The following DOP1A variants were observed in gnomAD, a reference collection of about 807,000 sequenced individuals.
DOP1A encodes the protein DOP1 leucine zipper like protein A.
Under a neutral mutation model 267.6 loss-of-function variants are expected in DOP1A, and 90 were observed. The observed-to-expected ratio is 0.34, with a 90% CI of 0.28 to 0.40. DOP1A has a LOEUF of 0.40. Ranked by LOEUF, DOP1A falls within the 10% of genes least tolerant of loss-of-function variation. The pLI, the probability that DOP1A is intolerant of heterozygous loss-of-function variation, is 1.00. For missense variants in DOP1A, 2,437 were observed against 2,900.4 expected, an observed-to-expected ratio of 0.84 and a Z score of 3.67; for synonymous variants, 932 against 999.1, an observed-to-expected ratio of 0.93 and a Z score of 1.27.
chr6:83,167,202 A>T, intron 38 of DOP1A: 1 of 903,502 alleles, frequency 1.1e-6, no homozygotes, highest in Non-Finnish European at 1.3e-6. Context: ...TATCCTGCCC[A>T]AGGGTGCCGT....
At chr6:83,135,458 G>T (rs1778736937) in intron 19 of DOP1A, among the ~76,000 whole-genome samples, 161 bp from the exon 20 acceptor site, 1 of 150,560 alleles carries the variant, frequency 6.6e-6, no homozygotes, top group Non-Finnish European at 1.5e-5. Flanking sequence ...CGAGACTATT[G>T]GGATTAAGAT....
chr6:83,134,065 G>A, intron 18 of DOP1A, 122 bp from the exon 19 acceptor site: 1 of 602,896 alleles, frequency 1.7e-6, no homozygotes, highest in Non-Finnish European at 2.7e-6. Flanking sequence ...ATTGCAATGT[G>A]TGTTTGAATA....
At chr6:83,169,739 C>T (rs1012179782), downstream of DOP1A, 4 of 458,260 alleles carry the variant, frequency 8.7e-6, no homozygotes, top group Admixed American at 2.3e-5. Flanking sequence ...CCTCCTGATT[C>T]CCTATTCAGC....
chr6:83,154,468 T>G (rs890517604), intron 33 of DOP1A, among the ~76,000 whole-genome samples: 1 of 152,226 alleles, frequency 6.6e-6, no homozygotes, highest in African/African-American at 2.4e-5. Context: ...GTAAAACTAT[T>G]TGTCCTTTTG....
rs567510955 is a variant in DOP1A, at chr6:83,157,743, A to AC, written c.6741+429dup. On this transcript the variant is annotated intron_variant, in intron 35 of 38. Coordinates refer to ENST00000349129, the MANE Select transcript of DOP1A (RefSeq NM_015018.4). ...TACTCACTCTTGAAGTGCAGCACCT[A>AC]CCCCATTTAAACTTGCTTCAGAGAG... Among the ~76,000 whole-genome samples the AC allele has an allele frequency of 3.3e-3, 495 of 152,228 alleles. 3 individuals carry two copies. Among genetic ancestry groups the AC allele is most frequent in the African/African-American group, 0.011 (458 of 41,532 alleles).
At chr6:83,133,557 A>G (rs1250211015) in intron 18 of DOP1A, among the ~76,000 whole-genome samples, 1 of 152,090 alleles carries the variant, frequency 6.6e-6, no homozygotes, top group African/African-American at 2.4e-5. Flanking sequence ...GACAATTTCT[A>G]CTTGATTTAT....
chr6:83,111,340 G>A (rs1774526327), intron 6 of DOP1A, among the ~76,000 whole-genome samples: 1 of 151,668 alleles, frequency 6.6e-6, no homozygotes, highest in Non-Finnish European at 1.5e-5. Flanking sequence ...GAACACTCAT[G>A]TATGAGTTTT....
intron 1 of DOP1A, 53 bp downstream of exon 1, chr6:83,067,832 G>A (rs934653664): frequency 5.3e-5 from 8 of 152,316 alleles, no homozygotes; most frequent in Non-Finnish European, 1.5e-5. Flanking sequence ...CCGGCTCCGA[G>A]CATCCTTCTC....
intron 38 of DOP1A, chr6:83,164,727 T>A: frequency 1.3e-6 from 2 of 1,585,410 alleles, no homozygotes; most frequent in Non-Finnish European, 1.7e-6. Flanking sequence ...CAGGTGAGGG[T>A]GGCTGTTTCA....
At chr6:83,101,203 A>G (rs1772515284) in intron 4 of DOP1A, among the ~76,000 whole-genome samples, 1 of 152,110 alleles carries the variant, frequency 6.6e-6, no homozygotes, top group Non-Finnish European at 1.5e-5. Flanking sequence ...TTTTTAGTAG[A>G]GACGGGGTTT....
intron 1 of DOP1A, among the ~76,000 whole-genome samples, chr6:83,087,748 G>A (rs987691536): frequency 9.2e-5 from 14 of 152,178 alleles, no homozygotes; most frequent in African/African-American, 3.4e-4. Flanking sequence ...ATAGTTCCTG[G>A]TATTTAGTAA....
Position 83,130,218 on chromosome 6 carries a change from C to T in DOP1A, c.2437C>T (p.Leu813=). 6.2e-7 allele frequency: 1 copy of T among 1,614,074 alleles called. No individual in the cohort carries two copies. Among genetic ancestry groups the T allele is most frequent in the Non-Finnish European group, 8.5e-7 (1 of 1,179,994 alleles). The change falls in exon 17 of 39, where the codon CTA becomes TTA. Residue 813 remains leucine, a synonymous_variant. Coordinates refer to ENST00000349129, the MANE Select transcript of DOP1A (RefSeq NM_015018.4). The part of the protein sequence containing the change: ...DFSVQSVAIS[L]VMDLVGLTQS... ...CAGTGTTCAGAGTGTTGCTATTTCA[C>T]TAGTTATGGACCTGGTGGGACTGAC...
chr6:83,108,019 T>A (rs1387446273), intron 4 of DOP1A, among the ~76,000 whole-genome samples: 1 of 152,194 alleles, frequency 6.6e-6, no homozygotes, highest in Non-Finnish European at 1.5e-5. Flanking sequence ...AGGGCAATAA[T>A]GAACCAATAC....
chr6:83,142,455 C>G (rs1028308182), intron 24 of DOP1A, among the ~76,000 whole-genome samples: 19 of 151,870 alleles, frequency 1.3e-4, no homozygotes, highest in Admixed American at 7.2e-4. Flanking sequence ...TTGTGGTGAG[C>G]CAAGATCATG....
rs919950219 is a variant in DOP1A at position 83,168,104 on chromosome 6, A to C, written c.7335A>C (p.Lys2445Asn). 1.9e-6 allele frequency: 3 copies of C among 1,614,150 alleles called. No homozygotes were observed. Among genetic ancestry groups the C allele is most frequent in the Non-Finnish European group, 2.5e-6 (3 of 1,180,012 alleles). ...KLENHKPCSS[K>N]ARQKIEEMVE... The stretch of plus-strand genomic sequence containing the variant: ...AGAACCACAAACCATGTTCCAGCAA[A>C]GCCAGGCAAAAAATAGAAGAGATGG... Residue 2445 changes from lysine (K) to asparagine (N), a missense_variant, in exon 39 of 39, where the codon AAA becomes AAC. Coordinates refer to ENST00000349129, the MANE Select transcript of DOP1A (RefSeq NM_015018.4).
intron 8 of DOP1A, 94 bp from the exon 9 acceptor site, chr6:83,119,654 T>C (rs368533132): frequency 1.5e-5 from 14 of 904,594 alleles, no homozygotes; most frequent in Non-Finnish European, 2.1e-5. Context: ...GGTAAGTGTT[T>C]AGTGCTGTTC....
chr6:83,168,857 G>A (rs1786446783), downstream of DOP1A: 1 of 1,041,814 alleles, frequency 9.6e-7, no homozygotes, highest in Non-Finnish European at 1.2e-6. Flanking sequence ...GGGGAATGCT[G>A]CAAAACATCA....
intron 15 of DOP1A, 39 bp from the exon 16 acceptor site, chr6:83,128,848 T>G: frequency 6.6e-7 from 1 of 1,511,144 alleles, no homozygotes; most frequent in Non-Finnish European, 8.8e-7. Context: ...ATGTACACTT[T>G]GCTACTCAGC....
chr6:83,166,238 C>T (rs897459315), intron 38 of DOP1A: 3 of 513,182 alleles, frequency 5.8e-6, no homozygotes, highest in East Asian at 6.0e-5. Context: ...ATAAAATGGT[C>T]AACATTGAGT....
Sources: allele counts gnomAD v4.1 joint callset (sites outside exome capture counted in the v4.1 genomes callset), GRCh38; gene constraint gnomAD v4.1.1; transcripts MANE v1.5; gene names NCBI Gene and HGNC (gene_info 2026-07-23, HGNC 2026-07-21).